RGS20: variants seen among roughly 807,000 people sequenced by gnomAD.
RGS20 encodes regulator of G protein signaling 20, also known as gz-selective GTPase-activating protein.
In RGS20, 30 loss-of-function variants were observed where a neutral mutation model predicts 33.6. The ratio of observed to expected loss-of-function variants is 0.89; its 90% CI spans 0.67 to 1.21. The LOEUF (loss-of-function observed/expected upper bound fraction) is 1.21. RGS20 is among the 50% of genes most tolerant of loss of function. The pLI is 0.00. For missense variants in RGS20, 472 were observed against 502.4 expected (o/e 0.94, Z 0.58); for synonymous variants, 208 against 197.9 (o/e 1.05, Z -0.43).
chr8:53,859,106 A>G (rs1230733718), intron 1 of RGS20, among the ~76,000 whole-genome samples: 1 of 152,192 alleles, frequency 6.6e-6, no homozygotes, highest in Non-Finnish European at 1.5e-5. Flanking sequence ...ATAGTCACTC[A>G]GATTTTTTGT....
intron 2 of RGS20, among the ~76,000 whole-genome samples, chr8:53,917,516 A>C (rs1165269728): frequency 6.6e-6 from 1 of 152,184 alleles, no homozygotes; most frequent in Non-Finnish European, 1.5e-5. Flanking sequence ...AACTCCTGTT[A>C]AATGTACATT....
chr8:53,903,739 A>C (rs1813093497), intron 2 of RGS20, among the ~76,000 whole-genome samples: 1 of 152,188 alleles, frequency 6.6e-6, no homozygotes, highest in South Asian at 2.1e-4. Context: ...GTCCCTCCCT[A>C]CCAAGTCTCA....
chr8:53,874,536 G>A (rs1812154711), intron 1 of RGS20, among the ~76,000 whole-genome samples: 1 of 152,224 alleles, frequency 6.6e-6, no homozygotes, highest in African/African-American at 2.4e-5. Context: ...ATTCAAGTAA[G>A]AGCTGATGTT....
In RGS20 at chr8:53,933,205, C is replaced by A. The variant is rs1392269451; in HGVS notation, c.511-6371C>A. On this transcript the variant is annotated intron_variant, in intron 2 of 5. Coordinates refer to ENST00000297313, the MANE Select transcript of RGS20 (RefSeq NM_170587.4). ...TGCAAAAACCAGAATGTCTCTTCTA[C>A]TCCAAAGGATCACAACTCGTTGCCA... Among the ~76,000 whole-genome samples, 3 of 152,174 alleles carry A rather than the reference C, an allele frequency of 2.0e-5. No homozygotes were observed. In the East Asian group the frequency reaches 5.8e-4, roughly 29 times the overall value.
chr8:53,902,874 C>T lies in RGS20; in HGVS notation c.510+23272C>T, dbSNP rs1024983296. 4.6e-5 allele frequency among the ~76,000 whole-genome samples: 7 copies of T among 152,108 alleles called. No homozygotes were observed. The East Asian group carries it at 7.7e-4, about 17-fold the overall frequency. Reference sequence around the variant, plus strand: ...CCGAGTAGCTGGGATTACAGGCCCTCGCCACCATGCTCGGTTAATTTCTGT... The same window carrying T: ...CCGAGTAGCTGGGATTACAGGCCCTTGCCACCATGCTCGGTTAATTTCTGT... On this transcript the variant is annotated intron_variant, in intron 2 of 5. Coordinates refer to ENST00000297313, the MANE Select transcript of RGS20 (RefSeq NM_170587.4).
At chr8:53,881,251 A>AGTCGGGGGTTCCTTCCCGCC in intron 2 of RGS20, among the ~76,000 whole-genome samples, 167 bp downstream of exon 1, 1 of 145,700 alleles carries the variant, frequency 6.9e-6, no homozygotes, top group African/African-American at 2.8e-5. Context: ...TCCTTCCCGC[A>AGTCGGGGGTTCCTTCCCGCC]GTGCGAGTTT....
chr8:53,941,437 A>G (rs1327983683), intron 3 of RGS20, among the ~76,000 whole-genome samples: 1 of 152,108 alleles, frequency 6.6e-6, no homozygotes, highest in African/African-American at 2.4e-5. Flanking sequence ...ACTTCAGAGG[A>G]AAAAAAGGGA....
intron 2 of RGS20, among the ~76,000 whole-genome samples, chr8:53,886,029 A>G (rs779419782): frequency 6.6e-6 from 1 of 152,188 alleles, no homozygotes; most frequent in Non-Finnish European, 1.5e-5. Flanking sequence ...AATTGGGAAT[A>G]TTTCAGATTG....
intron 2 of RGS20, among the ~76,000 whole-genome samples, chr8:53,882,179 G>C (rs1417131791): frequency 2.0e-5 from 3 of 152,174 alleles, no homozygotes; most frequent in Non-Finnish European, 4.4e-5. Flanking sequence ...CGTGCGCTGC[G>C]GCCCTACCGC....
rs78039118 is a variant in RGS20, at chr8:53,926,530, C to T, written c.511-13046C>T. Among the ~76,000 whole-genome samples, 14 of 152,168 alleles carry T rather than the reference C, an allele frequency of 9.2e-5. No individual in the cohort carries two copies. The East Asian group carries it at 1.5e-3, about 17-fold the overall frequency. On this transcript the variant is annotated intron_variant, in intron 2 of 5. Coordinates refer to ENST00000297313, the MANE Select transcript of RGS20 (RefSeq NM_170587.4). ...TATTCTCAATATGTAATTCAATAATCGCTATCTTCAGGATTTGGGAACTAC... is the reference window on the plus strand; with the variant it reads ...TATTCTCAATATGTAATTCAATAATTGCTATCTTCAGGATTTGGGAACTAC...
At chr8:53,882,200 G>A (rs1408423532) in intron 2 of RGS20, among the ~76,000 whole-genome samples, 1 of 152,194 alleles carries the variant, frequency 6.6e-6, no homozygotes, top group Non-Finnish European at 1.5e-5. Context: ...TGCTAGAGAA[G>A]TGGAAGAGAG....
chr8:53,947,274 T>G (rs1814521351), intron 4 of RGS20, among the ~76,000 whole-genome samples: 1 of 140,634 alleles, frequency 7.1e-6, no homozygotes, highest in Admixed American at 7.3e-5. Flanking sequence ...CTATATAAGA[T>G]ATAGCATATA....
At chr8:53,947,819 T>C (rs866044658) in intron 4 of RGS20, among the ~76,000 whole-genome samples, 45 of 134,230 alleles carry the variant, frequency 3.4e-4, no homozygotes, top group Non-Finnish European at 5.4e-4. Flanking sequence ...GGATATAGTA[T>C]ATACATTTAT....
At position 53,946,661 on chromosome 8, in the gene RGS20, G is replaced by T; in HGVS notation, c.660-4G>T. The T allele has an allele frequency of 6.2e-7, 1 of 1,603,644 alleles. No individual in the cohort carries two copies. The highest frequency in any genetic ancestry group is 1.1e-5 in the South Asian group (1 of 89,582). The stretch of plus-strand genomic sequence containing the variant: ...GTCAACATGTGAATGTCTTTTTTTT[G>T]CAGTCTCACTGTTAGAAACCAGGAA... On this transcript the variant is annotated splice_polypyrimidine_tract_variant and splice_region_variant and intron_variant, in intron 3 of 5. Coordinates refer to ENST00000297313, the MANE Select transcript of RGS20 (RefSeq NM_170587.4).
chr8:53,938,741 G>A (rs1365751159), intron 2 of RGS20, among the ~76,000 whole-genome samples: 1 of 152,132 alleles, frequency 6.6e-6, no homozygotes, highest in Non-Finnish European at 1.5e-5. Context: ...AGTATCCAAC[G>A]TAAAATGGGC....
chr8:53,953,796 A>G (rs1277945497), intron 4 of RGS20, among the ~76,000 whole-genome samples: 6 of 152,144 alleles, frequency 3.9e-5, no homozygotes, highest in African/African-American at 7.2e-5. Flanking sequence ...ATATTTCAAG[A>G]TGTGCCCATT....
chr8:53,855,034 A>G (rs1206639596), intron 1 of RGS20, among the ~76,000 whole-genome samples: 1 of 152,174 alleles, frequency 6.6e-6, no homozygotes, highest in Non-Finnish European at 1.5e-5. Context: ...AAAGTCACAC[A>G]CTATATATAT....
At chr8:53,874,806 A>G (rs1302766564) in intron 1 of RGS20, among the ~76,000 whole-genome samples, 2 of 152,200 alleles carry the variant, frequency 1.3e-5, no homozygotes, top group African/African-American at 2.4e-5. Context: ...CACCAGTCAT[A>G]CTGGAATAGG....
chr8:53,879,573 G>T lies in RGS20; in HGVS notation c.481G>T (p.Ala161Ser), dbSNP rs1390586963. Reference sequence around the variant, plus strand: ...GGTAGCCAAGCCCAGGGAAGAAGACGCCACCGCTGGGCAGAGCTCGCCTAT... The same window carrying T: ...GGTAGCCAAGCCCAGGGAAGAAGACTCCACCGCTGGGCAGAGCTCGCCTAT... Residue 161 changes from alanine to serine, a missense_variant, in exon 2 of 6, where the codon GCC (alanine) becomes TCC (serine). Coordinates refer to ENST00000297313, the MANE Select transcript of RGS20 (RefSeq NM_170587.4). 7 of 1,534,830 alleles carry T rather than the reference G, an allele frequency of 4.6e-6. No homozygotes were observed. The highest frequency in any genetic ancestry group is 1.2e-5 in the South Asian group (1 of 82,112).
Sources: allele counts gnomAD v4.1 joint callset (sites outside exome capture counted in the v4.1 genomes callset), GRCh38; gene constraint gnomAD v4.1.1; transcripts MANE v1.5; gene names NCBI Gene and HGNC (gene_info 2026-07-23, HGNC 2026-07-21).